Variants in BACH2 observed in about 807,000 individuals in gnomAD.
The protein encoded by BACH2 is transcription regulator protein BACH2.
A neutral mutation model predicts 61.8 loss-of-function variants in BACH2; 5 were observed. The ratio of observed to expected loss-of-function variants is 0.08; its 90% CI spans 0.04 to 0.17. The LOEUF is 0.17. Ranked by LOEUF, BACH2 falls within the 10% of genes least tolerant of loss-of-function variation. BACH2 has a pLI of 1.00. For missense variants in BACH2, 824 were observed against 1,091.1 expected (o/e 0.76, Z 3.45); for synonymous variants, 446 against 440.1 (o/e 1.01, Z -0.17).
intron 1 of BACH2, among the ~76,000 whole-genome samples, chr6:90,287,481 C>T (rs1034062982): frequency 1.3e-5 from 2 of 152,058 alleles, no homozygotes; most frequent in Admixed American, 6.5e-5. Flanking sequence ...AATGGCTTTC[C>T]CTGGAAGCTT....
intron 6 of BACH2, among the ~76,000 whole-genome samples, chr6:89,983,858 G>A (rs2128363665): frequency 6.6e-6 from 1 of 152,270 alleles, no homozygotes; most frequent in South Asian, 2.1e-4. Context: ...AAATGTGTTA[G>A]AGCCACTTTG....
chr6:90,267,800 GCAGAAAAAATGT>G (rs1428141354), intron 2 of BACH2, among the ~76,000 whole-genome samples: 2 of 151,984 alleles, frequency 1.3e-5, no homozygotes, highest in African/African-American at 4.8e-5. Context: ...CATTTTCATA[GCAGAAAAAATGT>G]CCCTTCTCCA....
At chr6:90,025,135 C>G (rs1308575330) in intron 5 of BACH2, among the ~76,000 whole-genome samples, 1 of 152,190 alleles carries the variant, frequency 6.6e-6, no homozygotes, top group African/African-American at 2.4e-5. Flanking sequence ...GAGCCCATGT[C>G]AGGCCATCCA....
chr6:90,070,383 A>G (rs1037684475), intron 5 of BACH2, among the ~76,000 whole-genome samples: 2 of 152,124 alleles, frequency 1.3e-5, no homozygotes, highest in Non-Finnish European at 2.9e-5. Flanking sequence ...TGTTTCACTA[A>G]ACAGCCTCCT....
chr6:89,955,629 C>T (rs751537145), intron 6 of BACH2, among the ~76,000 whole-genome samples: 4 of 152,164 alleles, frequency 2.6e-5, no homozygotes, highest in Non-Finnish European at 5.9e-5. Flanking sequence ...AAAGCAAGTG[C>T]CCATCACACC....
Position 89,932,903 on chromosome 6 carries a change from G to A in BACH2, c.2044-13C>T, listed in dbSNP as rs1338009747. 2.8e-5 allele frequency: 43 copies of A among 1,542,414 alleles called. No homozygotes were observed. In the Admixed American group the frequency reaches 3.6e-4, roughly 13 times the overall value. On this transcript the variant is annotated splice_polypyrimidine_tract_variant and intron_variant, in intron 8 of 8. Coordinates refer to ENST00000257749, the MANE Select transcript of BACH2 (RefSeq NM_021813.4). ...CTTTCTCACACACCTGGACAGTAGA[G>A]AAAAAAAGAGAAGGGTTGATCAAGC...
intron 3 of BACH2, among the ~76,000 whole-genome samples, chr6:90,213,251 T>C (rs540445459): frequency 6.6e-6 from 1 of 152,318 alleles, no homozygotes; most frequent in Non-Finnish European, 1.5e-5. Context: ...ACAAGCCCCA[T>C]GTGCCAAGAG....
intron 4 of BACH2, among the ~76,000 whole-genome samples, chr6:90,108,453 A>C (rs976223109): frequency 3.9e-5 from 6 of 152,188 alleles, no homozygotes; most frequent in African/African-American, 9.6e-5. Flanking sequence ...GAGGTCAAGA[A>C]GAATCTAGTT....
At chr6:90,193,507 T>A (rs563293296) in intron 4 of BACH2, among the ~76,000 whole-genome samples, 1 of 152,134 alleles carries the variant, frequency 6.6e-6, no homozygotes, top group Non-Finnish European at 1.5e-5. Flanking sequence ...CGACTCCTAG[T>A]CTGCAGAACT....
intron 6 of BACH2, among the ~76,000 whole-genome samples, chr6:89,965,106 C>T (rs190334358): frequency 2.6e-5 from 4 of 152,256 alleles, no homozygotes; most frequent in Non-Finnish European, 5.9e-5. Context: ...AGGCTAGTCT[C>T]GAACTCCTGA....
At chr6:89,977,499 A>G (rs6454793) in intron 6 of BACH2, among the ~76,000 whole-genome samples, 15,046 of 152,250 alleles carry the variant, frequency 0.099, 1,005 homozygotes, top group African/African-American at 0.19. Context: ...CTGGCTTTGC[A>G]ATCCATTTCT....
chr6:90,255,991 A>C (rs937960553), intron 2 of BACH2, among the ~76,000 whole-genome samples: 2 of 152,172 alleles, frequency 1.3e-5, no homozygotes, highest in Admixed American at 1.3e-4. Context: ...TCCAACGGAG[A>C]CTTGCCCAAG....
intron 1 of BACH2, among the ~76,000 whole-genome samples, chr6:90,291,695 G>A (rs1293330378): frequency 6.6e-6 from 1 of 151,638 alleles, no homozygotes; most frequent in Admixed American, 6.6e-5. Context: ...GCAGGTTTCA[G>A]TTTGGACATG....
chr6:90,152,471 C>T (rs909395964), intron 4 of BACH2, among the ~76,000 whole-genome samples: 2 of 152,066 alleles, frequency 1.3e-5, no homozygotes, highest in Non-Finnish European at 2.9e-5. Context: ...ATTTTTCAGC[C>T]CCACCTCCAA....
At chr6:89,935,927 C>T (rs1314264185) in intron 8 of BACH2, among the ~76,000 whole-genome samples, 1 of 152,228 alleles carries the variant, frequency 6.6e-6, no homozygotes. Context: ...CACTCACCAG[C>T]AGGAATGTCG....
chr6:90,194,277 A>G (rs756218653), intron 4 of BACH2, among the ~76,000 whole-genome samples: 3 of 152,210 alleles, frequency 2.0e-5, no homozygotes, highest in Non-Finnish European at 2.9e-5. Context: ...CTCTTTTATG[A>G]CAGGGTAACT....
chr6:90,246,467 C>A (rs1454377263), intron 3 of BACH2, among the ~76,000 whole-genome samples: 1 of 152,070 alleles, frequency 6.6e-6, no homozygotes, highest in African/African-American at 2.4e-5. Flanking sequence ...GATTTCCATA[C>A]AAAAGAAAAA....
intron 6 of BACH2, among the ~76,000 whole-genome samples, chr6:89,976,245 G>C (rs538701305): frequency 4.5e-4 from 69 of 152,354 alleles, no homozygotes; most frequent in Non-Finnish European, 9.0e-4. Flanking sequence ...ACGCAAGAGC[G>C]TGAAGCCGGA....
intron 1 of BACH2, among the ~76,000 whole-genome samples, chr6:90,294,038 C>A (rs1403730183): frequency 6.6e-6 from 1 of 152,172 alleles, no homozygotes; most frequent in African/African-American, 2.4e-5. Context: ...TCACCTCACC[C>A]CTTCTTCTTC....
Sources: gnomAD v4.1 joint callset for allele counts (sites outside exome capture counted in the v4.1 genomes callset) on GRCh38, gnomAD v4.1.1 for gene constraint, MANE v1.5 for transcripts, NCBI Gene and HGNC (gene_info 2026-07-23, HGNC 2026-07-21) for gene names.